The following SEM1 variants were observed in gnomAD, a reference collection of about 807,000 sequenced individuals.
SEM1 encodes SEM1 26S proteasome subunit.
In SEM1, 3 loss-of-function variants were observed where a neutral mutation model predicts 12.7. The ratio of observed to expected loss-of-function variants is 0.24; its 90% CI spans 0.11 to 0.61. The LOEUF (loss-of-function observed/expected upper bound fraction) is 0.61, where lower values mean the gene tolerates loss of function less well. Among genes scored for constraint, SEM1 ranks in the 20% least tolerant of loss-of-function variants. The pLI, the probability that SEM1 is intolerant of heterozygous loss-of-function variation, is 0.88. For missense variants in SEM1, 59 were observed against 81.3 expected (o/e 0.73, Z 1.06); for synonymous variants, 30 against 27.8 (o/e 1.08, Z -0.25).
chr7:96,528,095 T>A (rs1418743061), intron 2 of SEM1, among the ~76,000 whole-genome samples: 1 of 152,094 alleles, frequency 6.6e-6, no homozygotes, highest in Non-Finnish European at 1.5e-5. Flanking sequence ...TCAGGGACAA[T>A]TTATGGTATA....
intron 2 of SEM1, among the ~76,000 whole-genome samples, chr7:96,603,391 T>C (rs1807249726): frequency 6.6e-6 from 1 of 152,176 alleles, no homozygotes; most frequent in African/African-American, 2.4e-5. Context: ...CAAGATTGAC[T>C]CATGGAGTGG....
intron 2 of SEM1, among the ~76,000 whole-genome samples, chr7:96,553,620 G>A (rs1414368927): frequency 7.3e-4 from 111 of 152,088 alleles, no homozygotes; most frequent in Admixed American, 8.5e-4. Flanking sequence ...GTTTGAAGTC[G>A]GGTAGTGTGA....
chr7:96,620,635 C>T (rs1413381630), downstream of SEM1, among the ~76,000 whole-genome samples: 1 of 152,182 alleles, frequency 6.6e-6, no homozygotes, highest in African/African-American at 2.4e-5. Context: ...AGCAAGCTGT[C>T]GCAAACTCTC....
intron 2 of SEM1, among the ~76,000 whole-genome samples, chr7:96,595,860 A>C (rs914567404): frequency 1.3e-5 from 2 of 152,186 alleles, no homozygotes; most frequent in Admixed American, 1.3e-4. Flanking sequence ...CAAACTCATA[A>C]AACTCGGTTG....
chr7:96,704,010 C>CACACACAT (rs1390081341), intron 1 of SEM1, among the ~76,000 whole-genome samples: 3 of 143,744 alleles, frequency 2.1e-5, no homozygotes, highest in Admixed American at 7.0e-5. Flanking sequence ...CACACACACA[C>CACACACAT]ATACATAAAA....
At chr7:96,697,053 C>T (rs1306025191) in intron 1 of SEM1, 2 of 151,698 alleles carry the variant, frequency 1.3e-5, no homozygotes, top group Admixed American at 6.6e-5. Flanking sequence ...TGTAGATGGC[C>T]TTATAAAGCA....
intron 2 of SEM1, among the ~76,000 whole-genome samples, chr7:96,633,362 G>C (rs1808331890): frequency 6.6e-6 from 1 of 152,016 alleles, no homozygotes; most frequent in African/African-American, 2.4e-5. Context: ...GTAAATGATG[G>C]TGGGAACTGA....
chr7:96,684,660 G>A (rs114881596), downstream of SEM1, among the ~76,000 whole-genome samples: 1,849 of 152,172 alleles, frequency 0.012, 39 homozygotes, highest in African/African-American at 0.043. Flanking sequence ...CAATTGGGTT[G>A]AATGTGGGTC....
At chr7:96,544,987 G>A (rs1805062750) in intron 2 of SEM1, among the ~76,000 whole-genome samples, 1 of 151,880 alleles carries the variant, frequency 6.6e-6, no homozygotes, top group Non-Finnish European at 1.5e-5. Flanking sequence ...TGTTATTCAA[G>A]GGTCAGCTGT....
intron 2 of SEM1, among the ~76,000 whole-genome samples, chr7:96,679,371 C>G (rs761953891): frequency 2.6e-5 from 4 of 151,936 alleles, no homozygotes; most frequent in African/African-American, 9.7e-5. Context: ...AAATACCAAC[C>G]GGGAGTCTTT....
At chr7:96,576,200 A>G (rs1230086268) in intron 2 of SEM1, among the ~76,000 whole-genome samples, 6 of 152,158 alleles carry the variant, frequency 3.9e-5, no homozygotes, top group Admixed American at 3.9e-4. Flanking sequence ...TTTTCCTTTC[A>G]ACCATCTGAG....
downstream of SEM1, chr7:96,622,312 T>A: frequency 2.5e-6 from 1 of 398,348 alleles, no homozygotes; most frequent in Non-Finnish European, 4.5e-6. Flanking sequence ...CAATAAATGC[T>A]TGAAGCTGGC....
At chr7:96,610,045 GA>G (rs1393925702) in intron 2 of SEM1, among the ~76,000 whole-genome samples, 1 of 150,752 alleles carries the variant, frequency 6.6e-6, no homozygotes, top group South Asian at 2.1e-4. Flanking sequence ...AATTGAGAAA[GA>G]AAAAAGCATG....
At chr7:96,531,307 G>A (rs992304095) in intron 2 of SEM1, among the ~76,000 whole-genome samples, 6 of 151,786 alleles carry the variant, frequency 4.0e-5, no homozygotes, top group Non-Finnish European at 7.4e-5. Context: ...AGTGGCTCAC[G>A]CCTGTAATCC....
intron 2 of SEM1, among the ~76,000 whole-genome samples, chr7:96,587,802 C>T (rs1381236370): frequency 1.3e-5 from 2 of 152,054 alleles, no homozygotes; most frequent in Non-Finnish European, 2.9e-5. Context: ...TGTACACATA[C>T]ATACGTACAT....
chr7:96,547,850 C>G (rs1396624255), intron 2 of SEM1, among the ~76,000 whole-genome samples: 2 of 152,060 alleles, frequency 1.3e-5, no homozygotes, highest in Non-Finnish European at 2.9e-5. Context: ...TCTCCCAGCT[C>G]AGTTAAAAAG....
At chr7:96,689,093 T>C (rs1789847620) in intron 2 of SEM1, 127 bp from the exon 3 acceptor site, 1 of 531,564 alleles carries the variant, frequency 1.9e-6, no homozygotes, top group African/African-American at 2.0e-5. Flanking sequence ...CACTGAATAG[T>C]TTTACTTTTG....
rs547951035 is a variant in SEM1, at chr7:96,550,177, C to T, written c.171-43479G>A. Among the ~76,000 whole-genome samples, 8 of 152,222 alleles carry T rather than the reference C, an allele frequency of 5.3e-5. No individual in the cohort carries two copies. In the South Asian group the frequency reaches 1.7e-3, roughly 32 times the overall value. On this transcript the variant is annotated intron_variant and NMD_transcript_variant, in intron 2 of 3. Transcript: ENST00000466986. ...GTCGTTTAGTACAACTGTTCTATTACAACTGTTGTAATACAATTCTTTAAA... is the reference window on the plus strand; with the variant it reads ...GTCGTTTAGTACAACTGTTCTATTATAACTGTTGTAATACAATTCTTTAAA...
intron 2 of SEM1, among the ~76,000 whole-genome samples, chr7:96,661,889 G>A (rs1789012830): frequency 6.6e-6 from 1 of 151,382 alleles, no homozygotes. Context: ...TCTGGAGGCT[G>A]AGGCAGGAGA....
Sources: allele counts gnomAD v4.1 joint callset (sites outside exome capture counted in the v4.1 genomes callset), GRCh38; gene constraint gnomAD v4.1.1; transcripts MANE v1.5; gene names NCBI Gene and HGNC (gene_info 2026-07-23, HGNC 2026-07-21).